The following ANKS1B variants were observed in gnomAD, a reference collection of about 807,000 sequenced individuals.
The protein encoded by ANKS1B is ankyrin repeat and sterile alpha motif domain-containing protein 1B.
A neutral mutation model predicts 148.3 loss-of-function variants in ANKS1B; 36 were observed. That is an observed-to-expected ratio of 0.24 (90% CI 0.19 to 0.32). The LOEUF (loss-of-function observed/expected upper bound fraction) is 0.32. Ranked by LOEUF, ANKS1B falls within the 10% of genes least tolerant of loss-of-function variation. The pLI is 1.00. For missense variants in ANKS1B, 1,157 were observed against 1,542.6 expected (o/e 0.75, Z 4.19); for synonymous variants, 542 against 560.8 (o/e 0.97, Z 0.47).
In ANKS1B at chr12:99,281,571, T is replaced by G. The variant is rs373165038; in HGVS notation, c.1757-34707A>C. On this transcript the variant is annotated intron_variant, in intron 12 of 26. Coordinates refer to ENST00000683438, the MANE Select transcript of ANKS1B (RefSeq NM_001352186.2). ...AGAACAAATACTGTCTGTTGGCGGG[T>G]ACTTCCAAAATAATTAGCAAGCACC... 8.3e-4 allele frequency among the ~76,000 whole-genome samples: 126 copies of G among 152,310 alleles called. 4 individuals carry two copies. In the South Asian group the frequency reaches 0.021, roughly 26 times the overall value.
At chr12:98,843,974 G>A (rs1369954926) in intron 17 of ANKS1B, among the ~76,000 whole-genome samples, 1 of 152,206 alleles carries the variant, frequency 6.6e-6, no homozygotes, top group Non-Finnish European at 1.5e-5. Context: ...GGGGATCAGG[G>A]AGGGGAGCAT....
intron 1 of ANKS1B, among the ~76,000 whole-genome samples, chr12:99,853,399 A>AC (rs1030618324): frequency 6.6e-6 from 1 of 152,058 alleles, no homozygotes; most frequent in Non-Finnish European, 1.5e-5. Context: ...AAAACAGATC[A>AC]CATCACAGGA....
chr12:98,775,619 AT>A (rs35251566), intron 24 of ANKS1B, among the ~76,000 whole-genome samples: 350 of 146,178 alleles, frequency 2.4e-3, no homozygotes, highest in African/African-American at 4.4e-3. Flanking sequence ...TATTTTCTGT[AT>A]TTTTTTTTTT....
At chr12:99,450,749 TG>T (rs1328303443) in intron 10 of ANKS1B, among the ~76,000 whole-genome samples, 1 of 152,212 alleles carries the variant, frequency 6.6e-6, no homozygotes, top group Non-Finnish European at 1.5e-5. Context: ...CTTAGCTTAA[TG>T]CAATCCTTTT....
chr12:98,741,220 C>G (rs1324196211), downstream of ANKS1B, among the ~76,000 whole-genome samples: 4 of 152,162 alleles, frequency 2.6e-5, no homozygotes, highest in Non-Finnish European at 1.5e-5. Flanking sequence ...TCACCGACCC[C>G]TGAATCTCTG....
At chr12:99,668,419 A>AT (rs1042846737) in intron 8 of ANKS1B, among the ~76,000 whole-genome samples, 19 of 150,506 alleles carry the variant, frequency 1.3e-4, no homozygotes, top group South Asian at 8.4e-4. Flanking sequence ...CTTTTATCTC[A>AT]TTTTTTTTAA....
rs548241528 is a variant in ANKS1B, at chr12:99,427,041, C to T, written c.1575+16632G>A. Among the ~76,000 whole-genome samples the T allele has an allele frequency of 6.6e-5, 10 of 152,290 alleles. No homozygotes were observed. In the South Asian group the frequency reaches 2.1e-3, roughly 32 times the overall value. ...TCTACTTTGAAAACATGTTCTAAAA[C>T]CACTCATTTCCCTATACTTCGGATT... On this transcript the variant is annotated intron_variant, in intron 11 of 26. Coordinates refer to ENST00000683438, the MANE Select transcript of ANKS1B (RefSeq NM_001352186.2).
At chr12:99,040,423 C>G (rs1429938687) in intron 17 of ANKS1B, among the ~76,000 whole-genome samples, 1 of 152,152 alleles carries the variant, frequency 6.6e-6, no homozygotes, top group Non-Finnish European at 1.5e-5. Flanking sequence ...GTCAGCCATC[C>G]TGACAGACAC....
rs1362371100 is a variant in ANKS1B, at chr12:99,544,523, TA to T, written c.1273-39883del. Among the ~76,000 whole-genome samples the T allele has an allele frequency of 2.0e-5, 3 of 152,206 alleles. No individual in the cohort carries two copies. The East Asian group carries it at 5.8e-4, about 29-fold the overall frequency. On this transcript the variant is annotated intron_variant, in intron 9 of 26. Transcript: ENST00000683438. ...CAAGAACGAAACAAAATGTCCTGTG[TA>T]AAAGATCTAATACCACTTCCAGAAC...
intron 17 of ANKS1B, among the ~76,000 whole-genome samples, chr12:98,861,187 AT>A (rs1279330850): frequency 1.3e-5 from 2 of 152,208 alleles, no homozygotes; most frequent in African/African-American, 4.8e-5. Flanking sequence ...GTATTTCATA[AT>A]TTTCCAGCCA....
intron 1 of ANKS1B, among the ~76,000 whole-genome samples, chr12:99,959,224 T>G (rs12821636): frequency 8.5e-6 from 1 of 117,360 alleles, no homozygotes; most frequent in Non-Finnish European, 1.7e-5. Context: ...CCACACCCAG[T>G]TAATTTTTTT....
At chr12:99,772,885 C>T (rs1211392986) in intron 8 of ANKS1B, 37 bp downstream of exon 8, 1 of 1,586,498 alleles carries the variant, frequency 6.3e-7, no homozygotes, top group Non-Finnish European at 8.6e-7. Flanking sequence ...CTGGCAAAGA[C>T]AGACACATTA....
In ANKS1B at chr12:99,498,287, A is replaced by T. The variant is rs2152988642; in HGVS notation, c.1438+6189T>A. On this transcript the variant is annotated intron_variant, in intron 10 of 26. Coordinates refer to ENST00000683438, the MANE Select transcript of ANKS1B (RefSeq NM_001352186.2). ...ATGCCATGTTCACTTCTGCTGTCAGATGAAATCCAAACTTCTGCCTGTTAC... is the reference window on the plus strand; with the variant it reads ...ATGCCATGTTCACTTCTGCTGTCAGTTGAAATCCAAACTTCTGCCTGTTAC... Among the ~76,000 whole-genome samples the T allele has an allele frequency of 1.3e-5, 2 of 152,292 alleles. 1 individual carries two copies. The highest frequency in any genetic ancestry group is 4.1e-4 in the South Asian group (2 of 4,830).
intron 16 of ANKS1B, among the ~76,000 whole-genome samples, chr12:99,054,042 A>G (rs540249275): frequency 6.6e-6 from 1 of 152,310 alleles, no homozygotes; most frequent in South Asian, 2.1e-4. Flanking sequence ...AGCAAGAGGA[A>G]CTTCTGGGTT....
At chr12:99,160,865 T>C (rs1005787611) in intron 14 of ANKS1B, among the ~76,000 whole-genome samples, 4 of 152,208 alleles carry the variant, frequency 2.6e-5, no homozygotes, top group Non-Finnish European at 4.4e-5. Context: ...CGGCTTTATA[T>C]CTGGGTCCTC....
At chr12:99,365,780 C>A (rs2092730918) in intron 12 of ANKS1B, among the ~76,000 whole-genome samples, 1 of 152,058 alleles carries the variant, frequency 6.6e-6, no homozygotes, top group South Asian at 2.1e-4. Flanking sequence ...TCAGGTACCT[C>A]TTCTGATGGA....
intron 1 of ANKS1B, among the ~76,000 whole-genome samples, chr12:99,871,430 T>A (rs1239404206): frequency 6.6e-6 from 1 of 152,230 alleles, no homozygotes; most frequent in Admixed American, 6.5e-5. Context: ...TAGAATAGTC[T>A]TTTCTAATTC....
intron 17 of ANKS1B, among the ~76,000 whole-genome samples, chr12:99,044,730 A>G (rs1010022027): frequency 3.3e-5 from 5 of 152,170 alleles, no homozygotes; most frequent in African/African-American, 1.2e-4. Context: ...AAACATAGAG[A>G]GGCAAAAGAC....
chr12:99,716,679 C>G (rs1328488606), intron 8 of ANKS1B, among the ~76,000 whole-genome samples: 1 of 152,124 alleles, frequency 6.6e-6, no homozygotes, highest in Non-Finnish European at 1.5e-5. Context: ...TGCCTGACAT[C>G]CAGGCATTCT....
Sources: gnomAD v4.1 joint callset for allele counts (sites outside exome capture counted in the v4.1 genomes callset) on GRCh38, gnomAD v4.1.1 for gene constraint, MANE v1.5 for transcripts, NCBI Gene and HGNC (gene_info 2026-07-23, HGNC 2026-07-21) for gene names.